WDR27: variants seen among roughly 807,000 people sequenced by gnomAD.
WDR27 encodes WD repeat domain 27.
A neutral mutation model predicts 114.4 loss-of-function variants in WDR27; 100 were observed. The ratio of observed to expected loss-of-function variants is 0.87; its 90% confidence interval spans 0.74 to 1.03. The LOEUF is 1.03. Among genes scored for constraint, WDR27 ranks in the 50% least tolerant of loss-of-function variants. WDR27 has a pLI of 0.00. For missense variants in WDR27, 1,129 were observed against 1,092.9 expected, an observed-to-expected ratio of 1.03 and a Z score of -0.47; for synonymous variants, 449 against 423.1, an observed-to-expected ratio of 1.06 and a Z score of -0.75.
intron 25 of WDR27, among the ~76,000 whole-genome samples, chr6:169,491,246 A>T (rs1350945123): frequency 1.3e-5 from 2 of 152,176 alleles, no homozygotes; most frequent in Admixed American, 1.3e-4. Flanking sequence ...TAATGCATCA[A>T]ATTTCTCTCT....
intron 13 of WDR27, among the ~76,000 whole-genome samples, chr6:169,653,427 CAT>C (rs1823147441): frequency 6.6e-6 from 1 of 152,118 alleles, no homozygotes; most frequent in Non-Finnish European, 1.5e-5. Context: ...TTATTTTATA[CAT>C]ATCTTATAAT....
chr6:169,648,328 C>T (rs1356822093), intron 15 of WDR27, among the ~76,000 whole-genome samples: 2 of 152,090 alleles, frequency 1.3e-5, no homozygotes, highest in African/African-American at 4.8e-5. Flanking sequence ...TTTGGGGCCT[C>T]GCCACCACTG....
rs377450865 is a variant in WDR27 at position 169,599,973 on chromosome 6, G to A, written c.2424+2246C>T. ...TCTGGTATGTTGTGTCTTTGTTCTC[G>A]TTGGTTTCAAAGAACATCTTTATTT... On this transcript the variant is annotated intron_variant, in intron 23 of 25. Transcript: ENST00000448612. Among the ~76,000 whole-genome samples, 59 of 152,054 alleles carry A rather than the reference G, an allele frequency of 3.9e-4. No individual in the cohort carries two copies. In the East Asian group the frequency reaches 0.01, roughly 26 times the overall value.
chr6:169,632,772 A>G (rs1816739477), intron 21 of WDR27, among the ~76,000 whole-genome samples, 175 bp downstream of exon 21: 1 of 152,258 alleles, frequency 6.6e-6, no homozygotes, highest in South Asian at 2.1e-4. Flanking sequence ...TCAACATGAT[A>G]TTAAAATATC....
At position 169,668,261 on chromosome 6, in the gene WDR27, G is replaced by A. The variant is rs1461614542; in HGVS notation, c.457-76C>T. On this transcript the variant is annotated intron_variant, in intron 4 of 25. Transcript: ENST00000448612. ...TATATAAACCAAGGGTGAAAAGTCA[G>A]GTGTCTGAGCTAAGAGGAAAGCTCA... 9.4e-6 allele frequency: 14 copies of A among 1,482,324 alleles called. 1 individual carries two copies. The highest frequency in any genetic ancestry group is 2.4e-5 in the South Asian group (2 of 82,536). The allele number at this position is 1,482,324 out of a possible 1,614,324, so 91.8% of individuals were successfully genotyped here. A position where few individuals can be genotyped will look rare whatever the true frequency, so the allele number is the denominator to read the frequency against.
At chr6:169,560,416 C>A (rs184444425) in intron 25 of WDR27, among the ~76,000 whole-genome samples, 4 of 152,344 alleles carry the variant, frequency 2.6e-5, no homozygotes, top group Admixed American at 2.6e-4. Context: ...AACCTCAAAC[C>A]ATTTTGTCTT....
chr6:169,632,259 C>T (rs1390829052), intron 21 of WDR27, among the ~76,000 whole-genome samples: 1 of 150,848 alleles, frequency 6.6e-6, no homozygotes, highest in Non-Finnish European at 1.5e-5. Context: ...GTTTAACCAA[C>T]ATTGCAATAC....
chr6:169,480,567 A>G (rs1787873735), intron 25 of WDR27, among the ~76,000 whole-genome samples: 1 of 152,192 alleles, frequency 6.6e-6, no homozygotes, highest in Non-Finnish European at 1.5e-5. Flanking sequence ...TGCACCAATC[A>G]GCACTCTGTG....
chr6:169,484,143 C>G (rs1788562030), intron 25 of WDR27, among the ~76,000 whole-genome samples: 1 of 152,122 alleles, frequency 6.6e-6, no homozygotes, highest in Admixed American at 6.5e-5. Context: ...CTCACCACTC[C>G]CATTCAACAT....
In WDR27 at chr6:169,564,187, G is replaced by A. The variant is rs145048885; in HGVS notation, c.2645+8232C>T. Among the ~76,000 whole-genome samples, 423 of 152,358 alleles carry A rather than the reference G, an allele frequency of 2.8e-3. 4 individuals carry two copies. The highest frequency in any genetic ancestry group is 8.7e-3 in the African/African-American group (360 of 41,594). Reference sequence around the variant, plus strand: ...AAGAGTCCAAAAGCTGAAGAACCTGGAGTCTGATGTTCGAGGGCAGGAAGC... The same window carrying A: ...AAGAGTCCAAAAGCTGAAGAACCTGAAGTCTGATGTTCGAGGGCAGGAAGC... On this transcript the variant is annotated intron_variant, in intron 25 of 25. Coordinates refer to ENST00000448612, the MANE Select transcript of WDR27 (RefSeq NM_182552.5).
chr6:169,462,490 G>GAGAGAGAGAAAGAAAGAAAGAAAGAA (rs555265160), intron 25 of WDR27, among the ~76,000 whole-genome samples: 32 of 149,850 alleles, frequency 2.1e-4, no homozygotes, highest in African/African-American at 8.1e-4. Flanking sequence ...GAGAGAGAGA[G>GAGAGAGAGAAAGAAAGAAAGAAAGAA]AGAAAGAAAG....
chr6:169,451,125 A>C, the WDR27 span, among the ~76,000 whole-genome samples: 2 of 152,190 alleles, frequency 1.3e-5, no homozygotes, highest in African/African-American at 4.8e-5. Flanking sequence ...ACATGAGACA[A>C]ACACAGATCG....
intron 18 of WDR27, among the ~76,000 whole-genome samples, chr6:169,638,322 CAAAA>C (rs60501000): frequency 2.7e-4 from 3 of 11,062 alleles, no homozygotes; most frequent in African/African-American, 4.3e-4. Flanking sequence ...GACTCCGTCT[CAAAA>C]AAAAAAAAAA....
intron 18 of WDR27, among the ~76,000 whole-genome samples, chr6:169,637,900 ATG>A (rs1818062641): frequency 6.6e-6 from 1 of 151,064 alleles, no homozygotes; most frequent in Non-Finnish European, 1.5e-5. Flanking sequence ...ATGCATCTAT[ATG>A]CGTGTGCCTC....
intron 22 of WDR27, among the ~76,000 whole-genome samples, chr6:169,605,248 GATAA>G (rs1245216328): frequency 1.3e-5 from 2 of 150,772 alleles, no homozygotes; most frequent in Non-Finnish European, 2.9e-5. Flanking sequence ...TCTTAGATTT[GATAA>G]ATAAATTCAG....
intron 5 of WDR27, 54 bp downstream of exon 5, chr6:169,667,928 G>A: frequency 6.6e-7 from 1 of 1,524,112 alleles, no homozygotes; most frequent in South Asian, 1.2e-5. Flanking sequence ...CGTCACCACA[G>A]TTCTTTCCAC....
intron 24 of WDR27, among the ~76,000 whole-genome samples, chr6:169,579,434 G>C (rs1802995270): frequency 2.0e-5 from 3 of 152,284 alleles, no homozygotes; most frequent in African/African-American, 7.2e-5. Flanking sequence ...GGGGTCTGAG[G>C]CAGGGGTCAG....
the WDR27 span, among the ~76,000 whole-genome samples, chr6:169,438,236 C>CTT: frequency 2.0e-4 from 21 of 105,430 alleles, no homozygotes; most frequent in African/African-American, 5.7e-4. Flanking sequence ...TTTACTTTTT[C>CTT]TTTTTTTTTT....
chr6:169,629,873 GCCGAGATCACGCAA>G (rs1815869546), intron 21 of WDR27, among the ~76,000 whole-genome samples: 1 of 143,380 alleles, frequency 7.0e-6, no homozygotes, highest in Admixed American at 7.5e-5. Flanking sequence ...CTTGCAGTGA[GCCGAGATCACGCAA>G]CTGCACTCCA....
Sources: allele counts gnomAD v4.1 joint callset (sites outside exome capture counted in the v4.1 genomes callset), GRCh38; gene constraint gnomAD v4.1.1; transcripts MANE v1.5; gene names NCBI Gene and HGNC (gene_info 2026-07-23, HGNC 2026-07-21).